SH3RF3: variants seen among roughly 807,000 people sequenced by gnomAD.
SH3RF3 encodes SH3 domain containing ring finger 3, also known as E3 ubiquitin-protein ligase SH3RF3.
SH3RF3 carries 29 observed loss-of-function variants against 66.3 expected under a neutral mutation model. That is an observed-to-expected ratio of 0.44 (90% CI 0.33 to 0.60). The LOEUF (loss-of-function observed/expected upper bound fraction) is 0.60. Ranked by LOEUF, SH3RF3 falls within the 20% of genes least tolerant of loss-of-function variation. The pLI, the probability that SH3RF3 is intolerant of heterozygous loss-of-function variation, is 0.04. For missense variants in SH3RF3, 1,194 were observed against 1,190.9 expected (o/e 1.00, Z -0.04); for synonymous variants, 583 against 532.0 (o/e 1.10, Z -1.32).
At chr2:109,228,040 G>A (rs1377747915) in intron 1 of SH3RF3, among the ~76,000 whole-genome samples, 1 of 152,108 alleles carries the variant, frequency 6.6e-6, no homozygotes, top group East Asian at 1.9e-4. Flanking sequence ...TTATTTGTAG[G>A]AAAGTGATGC....
chr2:109,433,700 G>A (rs1044753413), intron 6 of SH3RF3, among the ~76,000 whole-genome samples: 2 of 152,202 alleles, frequency 1.3e-5, no homozygotes, highest in African/African-American at 4.8e-5. Context: ...AGTTCGCAAG[G>A]CAATCTTCAG....
chr2:109,496,754 C>G (rs1191412595), intron 9 of SH3RF3, among the ~76,000 whole-genome samples: 1 of 150,352 alleles, frequency 6.7e-6, no homozygotes, highest in African/African-American at 2.5e-5. Context: ...CCTAAAAACT[C>G]ATGACTATGT....
chr2:109,248,897 G>T (rs756037630), intron 1 of SH3RF3, among the ~76,000 whole-genome samples: 61 of 45,550 alleles, frequency 1.3e-3, no homozygotes, highest in Non-Finnish European at 2.4e-3. Context: ...TTCCTGTCCT[G>T]TCCTGTCCTG....
intron 1 of SH3RF3, among the ~76,000 whole-genome samples, chr2:109,209,058 C>G (rs1678907507): frequency 6.6e-6 from 1 of 152,202 alleles, no homozygotes; most frequent in African/African-American, 2.4e-5. Context: ...AGACCCACAC[C>G]AACTTTCCGT....
intron 1 of SH3RF3, chr2:109,251,681 C>T: frequency 1.7e-6 from 2 of 1,199,542 alleles, no homozygotes; most frequent in Non-Finnish European, 2.5e-6. Flanking sequence ...AACCCATGTC[C>T]TCTCTTCATA....
chr2:109,210,445 T>A (rs1678947061), intron 1 of SH3RF3, among the ~76,000 whole-genome samples: 1 of 152,236 alleles, frequency 6.6e-6, no homozygotes, highest in Non-Finnish European at 1.5e-5. Flanking sequence ...ACATGTTGTT[T>A]TCAGAGTTGC....
At chr2:109,176,563 C>G (rs1311881064) in intron 1 of SH3RF3, among the ~76,000 whole-genome samples, 1 of 152,134 alleles carries the variant, frequency 6.6e-6, no homozygotes, top group African/African-American at 2.4e-5. Context: ...GAGACCCTAT[C>G]CCTACAAAAA....
intron 2 of SH3RF3, among the ~76,000 whole-genome samples, chr2:109,367,688 T>G (rs913459681): frequency 3.9e-5 from 6 of 152,242 alleles, no homozygotes; most frequent in African/African-American, 1.4e-4. Flanking sequence ...ATACTGTAAT[T>G]TATTTAACCA....
intron 3 of SH3RF3, among the ~76,000 whole-genome samples, chr2:109,396,558 T>A (rs764785558): frequency 2.0e-5 from 3 of 151,938 alleles, no homozygotes; most frequent in Non-Finnish European, 4.4e-5. Context: ...GGCTTCTGGG[T>A]TTTTTGTTTT....
Position 109,193,814 on chromosome 2 carries a change from G to A in SH3RF3, c.573+63701G>A, listed in dbSNP as rs146399485. Among the ~76,000 whole-genome samples, 61 of 152,304 alleles carry A rather than the reference G, an allele frequency of 4.0e-4. 2 individuals carry two copies. Among genetic ancestry groups the A allele is most frequent in the African/African-American group, 1.2e-3 (51 of 41,564 alleles). On this transcript the variant is annotated intron_variant, in intron 1 of 9. Coordinates refer to ENST00000309415, the MANE Select transcript of SH3RF3 (RefSeq NM_001099289.3). ...CAGTGCTTAGTGCCTTAGAAAGGGT[G>A]TTTTCTACCCAGCACCTGATTTAAG... is the stretch of plus-strand genomic sequence containing the variant.
intron 1 of SH3RF3, among the ~76,000 whole-genome samples, chr2:109,324,280 AG>A (rs1259505484): frequency 6.6e-6 from 1 of 152,138 alleles, no homozygotes; most frequent in Non-Finnish European, 1.5e-5. Flanking sequence ...TTGATGTACA[AG>A]TTTTTTGTGG....
chr2:109,282,207 G>C (rs1352332967), intron 1 of SH3RF3, among the ~76,000 whole-genome samples: 1 of 152,074 alleles, frequency 6.6e-6, no homozygotes, highest in Non-Finnish European at 1.5e-5. Flanking sequence ...AGTGTTTATT[G>C]GGGTTAAACC....
At chr2:109,203,931 C>T (rs1330383235) in intron 1 of SH3RF3, among the ~76,000 whole-genome samples, 1 of 152,154 alleles carries the variant, frequency 6.6e-6, no homozygotes, top group Non-Finnish European at 1.5e-5. Context: ...CTGTTGTGGC[C>T]CCAAGGCCTC....
intron 8 of SH3RF3, among the ~76,000 whole-genome samples, chr2:109,455,968 G>A (rs1678043352): frequency 6.6e-6 from 1 of 152,238 alleles, no homozygotes; most frequent in Non-Finnish European, 1.5e-5. Flanking sequence ...TCACCCACGT[G>A]GGAACCATCA....
intron 7 of SH3RF3, among the ~76,000 whole-genome samples, chr2:109,439,666 T>C (rs1677506976): frequency 6.6e-6 from 1 of 152,098 alleles, no homozygotes. Flanking sequence ...AGTGCCAGTG[T>C]TCCTTGCACA....
At chr2:109,354,313 G>A (rs1682900827) in intron 2 of SH3RF3, among the ~76,000 whole-genome samples, 1 of 152,210 alleles carries the variant, frequency 6.6e-6, no homozygotes, top group Non-Finnish European at 1.5e-5. Context: ...GCTGAAGGGG[G>A]CCCGGCAGGG....
At chr2:109,319,093 G>A (rs562068416) in intron 1 of SH3RF3, among the ~76,000 whole-genome samples, 1 of 152,306 alleles carries the variant, frequency 6.6e-6, no homozygotes, top group East Asian at 1.9e-4. Context: ...AGGGACAGCA[G>A]CTGCTTGTAG....
At chr2:109,270,394 T>C (rs1282779068) in intron 1 of SH3RF3, among the ~76,000 whole-genome samples, 1 of 152,176 alleles carries the variant, frequency 6.6e-6, no homozygotes, top group Non-Finnish European at 1.5e-5. Flanking sequence ...GTGGCTGTGA[T>C]TCCTGCTGTA....
intron 3 of SH3RF3, among the ~76,000 whole-genome samples, chr2:109,373,026 T>G (rs1447684106): frequency 6.6e-6 from 1 of 152,202 alleles, no homozygotes; most frequent in Non-Finnish European, 1.5e-5. Context: ...TCCTCCCCTC[T>G]TCCTCAAATA....
Sources: allele counts gnomAD v4.1 joint callset (sites outside exome capture counted in the v4.1 genomes callset), GRCh38; gene constraint gnomAD v4.1.1; transcripts MANE v1.5; gene names NCBI Gene and HGNC (gene_info 2026-07-23, HGNC 2026-07-21).